ELP1: variants seen among roughly 807,000 people sequenced by gnomAD.
The protein encoded by ELP1 is elongator acetyltransferase complex subunit 1.
In ELP1, 131 loss-of-function variants were observed where a neutral mutation model predicts 183.2. The observed-to-expected ratio is 0.72, with a 90% CI of 0.62 to 0.83. The LOEUF (loss-of-function observed/expected upper bound fraction) is 0.83, where lower values mean the gene tolerates loss of function less well. ELP1 is among the 40% of genes least tolerant of loss of function. ELP1 has a pLI of 0.00. For synonymous variants in ELP1, 555 were observed against 569.0 expected (o/e 0.98, Z 0.35); for missense variants, 1,550 against 1,594.9 (o/e 0.97, Z 0.48).
At chr9:108,900,592 C>T (rs904121634) in intron 18 of ELP1, among the ~76,000 whole-genome samples, 12 of 152,210 alleles carry the variant, frequency 7.9e-5, no homozygotes, top group Non-Finnish European at 1.5e-5. Context: ...TGCACATTCA[C>T]ATACACAGCT....
At chr9:108,912,084 G>A (rs7853801) in intron 11 of ELP1, among the ~76,000 whole-genome samples, 180 bp downstream of exon 11, 1 of 152,074 alleles carries the variant, frequency 6.6e-6, no homozygotes, top group Non-Finnish European at 1.5e-5. Context: ...TGGGGGAGGG[G>A]GGACAATGGT....
intron 6 of ELP1, 115 bp from the exon 7 acceptor site, chr9:108,919,464 G>C (rs1587917140): frequency 3.0e-6 from 2 of 675,456 alleles, no homozygotes. Flanking sequence ...TACTTTGAAA[G>C]CCTGCCTCTA....
At chr9:108,891,907 G>A (rs1828352511) in intron 27 of ELP1, among the ~76,000 whole-genome samples, 1 of 152,190 alleles carries the variant, frequency 6.6e-6, no homozygotes, top group Non-Finnish European at 1.5e-5. Context: ...CCATGGCCAT[G>A]CAGCAGGAAT....
At chr9:108,897,670 T>C (rs183082273) in intron 22 of ELP1, among the ~76,000 whole-genome samples, 39 of 152,342 alleles carry the variant, frequency 2.6e-4, no homozygotes, top group Admixed American at 7.8e-4. Flanking sequence ...AGAGTAATAC[T>C]GTATGCTTCC....
chr9:108,928,066 T>G (rs536831198), intron 3 of ELP1, among the ~76,000 whole-genome samples: 2 of 152,334 alleles, frequency 1.3e-5, no homozygotes, highest in Non-Finnish European at 2.9e-5. Context: ...GATAAACGCT[T>G]GATGGGATGG....
chr9:108,917,495 T>C (rs1430969939), intron 9 of ELP1, 52 bp downstream of exon 9: 12 of 1,535,526 alleles, frequency 7.8e-6, no homozygotes, highest in African/African-American at 6.9e-5. Flanking sequence ...ATTCCCTCTA[T>C]AGCTATGGAA....
chr9:108,892,088 C>T (rs71499675), intron 27 of ELP1, among the ~76,000 whole-genome samples: 1 of 152,166 alleles, frequency 6.6e-6, no homozygotes, highest in Non-Finnish European at 1.5e-5. Flanking sequence ...AGTCCCTGCC[C>T]TTAAGGAGCC....
chr9:108,892,850 A>G, intron 27 of ELP1, 136 bp downstream of exon 27: 1 of 717,224 alleles, frequency 1.4e-6, no homozygotes, highest in Non-Finnish European at 2.5e-6. Flanking sequence ...CCCAGATAAG[A>G]AGTTCAAATT....
chr9:108,910,256 G>C (rs1829164281), intron 12 of ELP1, among the ~76,000 whole-genome samples: 1 of 152,152 alleles, frequency 6.6e-6, no homozygotes, highest in African/African-American at 2.4e-5. Context: ...CATCCAGATA[G>C]GATCCATGTA....
intron 3 of ELP1, among the ~76,000 whole-genome samples, chr9:108,927,823 G>A (rs1185344169): frequency 2.6e-5 from 4 of 152,184 alleles, no homozygotes; most frequent in East Asian, 3.9e-4. Context: ...TTATTTGTGC[G>A]ATCTAAAAAT....
chr9:108,900,304 G>A lies in ELP1; in HGVS notation c.2086C>T (p.Arg696Trp), dbSNP rs771647322. ...TCCTGGGGCACAACAGTGACAATCC[G>A]TGAACCCCTCTCCACTTTCCGCAGA... is the stretch of plus-strand genomic sequence containing the variant. ...EVLRKVERGS[R>W]IVTVVPQDTK... The change falls in exon 19 of 37, where the codon CGG becomes TGG. Residue 696 changes from arginine (R) to tryptophan (W), a missense_variant. Coordinates refer to ENST00000374647, the MANE Select transcript of ELP1 (RefSeq NM_003640.5). 9.9e-6 allele frequency: 16 copies of A among 1,613,964 alleles called. No homozygotes were observed. Among genetic ancestry groups the A allele is most frequent in the East Asian group, 4.5e-5 (2 of 44,898 alleles).
chr9:108,908,235 A>G, intron 13 of ELP1, 70 bp downstream of exon 13: 1 of 1,127,514 alleles, frequency 8.9e-7, no homozygotes, highest in Non-Finnish European at 1.4e-6. Flanking sequence ...AACTGTTATC[A>G]GATGGCTGAA....
intron 27 of ELP1, among the ~76,000 whole-genome samples, chr9:108,892,530 C>T (rs754329732): frequency 7.2e-5 from 11 of 152,204 alleles, no homozygotes; most frequent in Non-Finnish European, 1.2e-4. Flanking sequence ...TCTGGATCCT[C>T]AGGCAAGTTG....
intron 22 of ELP1, among the ~76,000 whole-genome samples, chr9:108,898,211 A>C (rs1254124567): frequency 6.6e-6 from 1 of 152,206 alleles, no homozygotes; most frequent in Non-Finnish European, 1.5e-5. Flanking sequence ...ATCAGAGAGA[A>C]AGATGCCATT....
rs1829825362 is a variant in ELP1 at position 108,926,407 on chromosome 9, T to TG, written c.466+115dup. On this transcript the variant is annotated intron_variant, in intron 5 of 36. Transcript: ENST00000374647. The stretch of plus-strand genomic sequence containing the variant: ...ACTGGGCTAATAGACATTTAATAGC[T>TG]GGGGGTTTAACTTTCACAGTTCTTT... The TG allele has an allele frequency of 4.3e-5, 35 of 812,716 alleles. No individual in the cohort carries two copies. In the South Asian group the frequency reaches 5.0e-4, roughly 12 times the overall value. 50.3% of individuals were successfully genotyped at this position (812,716 alleles called of 1,614,324 possible).
chr9:108,918,056 C>T (rs986757146), intron 8 of ELP1, among the ~76,000 whole-genome samples: 5 of 152,182 alleles, frequency 3.3e-5, no homozygotes, highest in South Asian at 2.1e-4. Context: ...ATATTCTATG[C>T]TCCAGTAGGT....
At chr9:108,926,724 T>C (rs1356585329) in intron 4 of ELP1, 121 bp from the exon 5 acceptor site, 2 of 738,920 alleles carry the variant, frequency 2.7e-6, no homozygotes, top group East Asian at 5.4e-5. Context: ...ACAGAATTCA[T>C]CCAAAATGCT....
At chr9:108,903,361 CT>C (rs1252683017) in intron 15 of ELP1, among the ~76,000 whole-genome samples, 1 of 152,058 alleles carries the variant, frequency 6.6e-6, no homozygotes, top group East Asian at 1.9e-4. Context: ...TCATCAATCA[CT>C]TTTTTAAGAG....
At chr9:108,915,195 G>GT (rs1829386515) in intron 10 of ELP1, among the ~76,000 whole-genome samples, 2 of 152,172 alleles carry the variant, frequency 1.3e-5, no homozygotes, top group South Asian at 2.1e-4. Flanking sequence ...TTTGGTTAGT[G>GT]TTTTTTCTGT....
Sources: allele counts gnomAD v4.1 joint callset (sites outside exome capture counted in the v4.1 genomes callset), GRCh38; gene constraint gnomAD v4.1.1; transcripts MANE v1.5; gene names NCBI Gene and HGNC (gene_info 2026-07-23, HGNC 2026-07-21).